Variants in FAIM observed in about 807,000 individuals in gnomAD.
FAIM encodes Fas apoptotic inhibitory molecule.
Under a neutral mutation model 21.2 loss-of-function variants are expected in FAIM, and 14 were observed. That is an observed-to-expected ratio of 0.66 (90% CI 0.44 to 1.03). The LOEUF (loss-of-function observed/expected upper bound fraction) is 1.03, where lower values mean the gene tolerates loss of function less well. FAIM is among the 50% of genes least tolerant of loss of function. The pLI, the probability that FAIM is intolerant of heterozygous loss-of-function variation, is 0.00. For missense variants in FAIM, 222 were observed against 247.1 expected, an observed-to-expected ratio of 0.90 and a Z score of 0.68; for synonymous variants, 86 against 80.4, an observed-to-expected ratio of 1.07 and a Z score of -0.37.
chr3:138,610,812 A>T, intron 1 of FAIM: 1 of 662,846 alleles, frequency 1.5e-6, no homozygotes, highest in Non-Finnish European at 2.7e-6. Flanking sequence ...TGAACTATTG[A>T]CCTCAAGTGA....
At chr3:138,632,302 T>C (rs1430072386) in intron 5 of FAIM, among the ~76,000 whole-genome samples, 1 of 151,968 alleles carries the variant, frequency 6.6e-6, no homozygotes, top group Non-Finnish European at 1.5e-5. Context: ...ATTTTATACA[T>C]TTTTTTGTTT....
chr3:138,619,795 C>G (rs765773567), intron 2 of FAIM, 25 bp downstream of exon 2: 4 of 1,587,378 alleles, frequency 2.5e-6, no homozygotes, highest in South Asian at 1.1e-5. Flanking sequence ...TTGCAGTAAA[C>G]TAGCCTTTGA....
At chr3:138,613,638 C>T (rs1197098854) in intron 1 of FAIM, among the ~76,000 whole-genome samples, 2 of 152,010 alleles carry the variant, frequency 1.3e-5, no homozygotes, top group Non-Finnish European at 2.9e-5. Context: ...CATGCACCAC[C>T]ATGCCTGGCT....
chr3:138,621,933 C>T (rs527995048), intron 3 of FAIM, among the ~76,000 whole-genome samples: 8 of 152,258 alleles, frequency 5.3e-5, no homozygotes, highest in African/African-American at 1.7e-4. Context: ...CAGGCACCTG[C>T]CATTACGCCC....
At chr3:138,617,800 T>G (rs1356685794) in intron 1 of FAIM, among the ~76,000 whole-genome samples, 1 of 145,898 alleles carries the variant, frequency 6.9e-6, no homozygotes, top group African/African-American at 2.5e-5. Flanking sequence ...TATATATTAT[T>G]ATTTTGGACA....
intron 3 of FAIM, 47 bp from the exon 4 acceptor site, chr3:138,622,141 T>G: frequency 7.1e-7 from 1 of 1,406,296 alleles, no homozygotes; most frequent in Non-Finnish European, 9.7e-7. Flanking sequence ...AAATTAGATA[T>G]CAATTTTTCT....
intron 1 of FAIM, among the ~76,000 whole-genome samples, 184 bp from the exon 2 acceptor site, chr3:138,619,527 T>G (rs2042862288): frequency 6.6e-6 from 1 of 152,236 alleles, no homozygotes; most frequent in Non-Finnish European, 1.5e-5. Flanking sequence ...TGTAACATCT[T>G]TCTCTGAGAA....
chr3:138,616,992 A>G (rs1295935686), intron 1 of FAIM, among the ~76,000 whole-genome samples: 1 of 152,164 alleles, frequency 6.6e-6, no homozygotes, highest in East Asian at 1.9e-4. Flanking sequence ...TTATTGGAGA[A>G]TTAAAAATTG....
intron 4 of FAIM, among the ~76,000 whole-genome samples, chr3:138,623,224 T>G (rs1001905343): frequency 1.3e-5 from 2 of 150,900 alleles, no homozygotes; most frequent in African/African-American, 4.9e-5. Flanking sequence ...TTTTGAAGAG[T>G]TTTTTTTGTT....
intron 1 of FAIM, among the ~76,000 whole-genome samples, chr3:138,615,100 C>T (rs1473930220): frequency 6.6e-6 from 1 of 152,228 alleles, no homozygotes; most frequent in African/African-American, 2.4e-5. Flanking sequence ...TAAGTGTCCT[C>T]AGAATACTTA....
At chr3:138,629,242 A>G (rs2042976575) in intron 5 of FAIM, 86 bp downstream of exon 5, 1 of 1,113,930 alleles carries the variant, frequency 9.0e-7, no homozygotes, top group Non-Finnish European at 1.3e-6. Context: ...TAGAGATCTT[A>G]TAATGAATCA....
chr3:138,631,139 C>CA (rs202159717), intron 5 of FAIM: 2,262 of 84,336 alleles, frequency 0.027, 23 homozygotes, highest in African/African-American at 0.044. Context: ...GACCCTGTCT[C>CA]AAAAAAAAAA....
Position 138,633,145 on chromosome 3 carries a change from G to A in FAIM, c.*66G>A. 1.4e-6 allele frequency: 2 copies of A among 1,432,862 alleles called. No homozygotes were observed. Among genetic ancestry groups the A allele is most frequent in the South Asian group, 2.6e-5 (2 of 76,392 alleles). 88.8% of individuals were successfully genotyped at this position (1,432,862 alleles called of 1,614,324 possible). A position where few individuals can be genotyped will look rare whatever the true frequency, so the allele number is the denominator to read the frequency against. On this transcript the variant is annotated 3_prime_UTR_variant, in exon 6 of 6. Coordinates refer to ENST00000360570, the MANE Select transcript of FAIM (RefSeq NM_001033031.2). ...TTACTGTGGTAATTAAATGTGTTCA[G>A]TATGTACTTATCAGTACATTTAGTC... is the stretch of plus-strand genomic sequence containing the variant.
At chr3:138,617,403 A>C in intron 1 of FAIM, among the ~76,000 whole-genome samples, 2 of 146,226 alleles carry the variant, frequency 1.4e-5, no homozygotes, top group East Asian at 3.9e-4. Context: ...TATATATTAT[A>C]TATAATATGT....
Position 138,619,787 on chromosome 3 carries a change from G to A in FAIM, c.44+17G>A, listed in dbSNP as rs762572898. 2 of 1,599,784 alleles carry A rather than the reference G, an allele frequency of 1.3e-6. No individual in the cohort carries two copies. The highest frequency in any genetic ancestry group is 2.7e-5 in the African/African-American group (2 of 74,538). On this transcript the variant is annotated intron_variant, in intron 2 of 5. Coordinates refer to ENST00000360570, the MANE Select transcript of FAIM (RefSeq NM_001033031.2). ...TGATGAAAGGTAAATGTCTTATATT[G>A]CAGTAAACTAGCCTTTGACATTTTC...
chr3:138,621,298 T>C, intron 2 of FAIM, 109 bp from the exon 3 acceptor site: 1 of 1,164,408 alleles, frequency 8.6e-7, no homozygotes, highest in Non-Finnish European at 1.2e-6. Flanking sequence ...GTCACTTTAA[T>C]ATTTTGACAT....
intron 1 of FAIM, among the ~76,000 whole-genome samples, chr3:138,612,689 G>A (rs531857265): frequency 2.1e-4 from 32 of 152,252 alleles, no homozygotes; most frequent in African/African-American, 7.5e-4. Context: ...CTTTTTGAGT[G>A]CATTCCTAGC....
At chr3:138,622,139 T>C in intron 3 of FAIM, 49 bp from the exon 4 acceptor site, 1 of 1,383,298 alleles carries the variant, frequency 7.2e-7, no homozygotes, top group Non-Finnish European at 9.9e-7. Context: ...TAAAATTAGA[T>C]ATCAATTTTT....
intron 1 of FAIM, among the ~76,000 whole-genome samples, chr3:138,616,896 T>C (rs1016424313): frequency 2.6e-5 from 4 of 152,190 alleles, no homozygotes; most frequent in African/African-American, 9.6e-5. Flanking sequence ...TAAGTAGAAT[T>C]AGAATGCTTC....
Sources: allele counts gnomAD v4.1 joint callset (sites outside exome capture counted in the v4.1 genomes callset), GRCh38; gene constraint gnomAD v4.1.1; transcripts MANE v1.5; gene names NCBI Gene and HGNC (gene_info 2026-07-23, HGNC 2026-07-21).